The following BACE2 variants were observed in gnomAD, a reference collection of about 807,000 sequenced individuals.
The protein encoded by BACE2 is beta-secretase 2.
In BACE2, 17 loss-of-function variants were observed where a neutral mutation model predicts 46.2. That is an observed-to-expected ratio of 0.37 (90% CI 0.25 to 0.55). BACE2 has a LOEUF of 0.55. Among genes scored for constraint, BACE2 ranks in the 20% least tolerant of loss-of-function variants. The probability of loss-of-function intolerance (pLI) is 0.82; values close to 1 mark genes in which losing one functional copy is unlikely to be tolerated. For synonymous variants in BACE2, 277 were observed against 295.9 expected, an observed-to-expected ratio of 0.94 and a Z score of 0.66; for missense variants, 595 against 698.1, an observed-to-expected ratio of 0.85 and a Z score of 1.66.
chr21:41,213,601 C>CTT (rs1208833111), intron 1 of BACE2, among the ~76,000 whole-genome samples: 10 of 152,126 alleles, frequency 6.6e-5, no homozygotes, highest in African/African-American at 2.4e-4. Flanking sequence ...GGTGAAACCC[C>CTT]GTCTCTACTA....
chr21:41,211,245 A>T (rs1285071488), intron 1 of BACE2, among the ~76,000 whole-genome samples: 1 of 143,576 alleles, frequency 7.0e-6, no homozygotes, highest in Non-Finnish European at 1.5e-5. Flanking sequence ...CCAGGTATCC[A>T]TGTGTCTCTC....
In BACE2 at chr21:41,188,614, G is replaced by A. The variant is rs138716756; in HGVS notation, c.312+20039G>A. Among the ~76,000 whole-genome samples, 808 of 152,300 alleles carry A rather than the reference G, an allele frequency of 5.3e-3. 5 individuals are homozygous for A. The highest frequency in any genetic ancestry group is 0.051 in the Middle Eastern group (15 of 294). On this transcript the variant is annotated intron_variant, in intron 1 of 8. Transcript: ENST00000330333. ...TAGGGAAGGAATGTCTAGGGCAGTC[G>A]AAAAGGCAAGAATCCTATGTGAATC... is the stretch of plus-strand genomic sequence containing the variant.
intron 1 of BACE2, among the ~76,000 whole-genome samples, chr21:41,169,635 G>T (rs1019862490): frequency 2.6e-5 from 4 of 152,076 alleles, no homozygotes; most frequent in African/African-American, 9.7e-5. Context: ...ACATACTCAT[G>T]ACTTTTGTAT....
chr21:41,168,694 A>C, intron 1 of BACE2, 119 bp downstream of exon 1: 16 of 586,532 alleles, frequency 2.7e-5, no homozygotes, highest in East Asian at 4.7e-5. Flanking sequence ...CCCGCACAGA[A>C]GAGCGGGGAA....
intron 2 of BACE2, among the ~76,000 whole-genome samples, chr21:41,237,244 G>A (rs557782558): frequency 5.3e-5 from 8 of 152,176 alleles, no homozygotes; most frequent in East Asian, 3.9e-4. Flanking sequence ...TCAAGAGATC[G>A]AGACCATCCT....
In BACE2 at chr21:41,277,084, T is replaced by TC. The variant is rs34506942; in HGVS notation, c.*1460_*1461insC. The TC allele has an allele frequency of 0.69, 104,919 of 151,548 alleles. 37,165 individuals carry two copies. The highest frequency in any genetic ancestry group is 0.99 in the East Asian group (5,032 of 5,100). The allele number at this position is 151,548 out of a possible 1,614,324, so 9.4% of individuals were successfully genotyped here. A position where few individuals can be genotyped will look rare whatever the true frequency, so the allele number is the denominator to read the frequency against. ...CCAAGTTCAGTGTTCCCTTTGCATT[T>TC]TTTTGGGGTGGGTTGGCTATATTAC... is the stretch of plus-strand genomic sequence containing the variant. On this transcript the variant is annotated 3_prime_UTR_variant, in exon 9 of 9. Coordinates refer to ENST00000330333, the MANE Select transcript of BACE2 (RefSeq NM_012105.5).
chr21:41,279,054 A>T lies in BACE2; in HGVS notation c.*3430A>T, dbSNP rs957016284. The T allele has an allele frequency of 1.2e-4, 18 of 152,142 alleles. No individual in the cohort carries two copies. Among genetic ancestry groups the T allele is most frequent in the African/African-American group, 4.3e-4 (18 of 41,482 alleles). The allele number at this position is 152,142 out of a possible 1,614,324, so 9.4% of individuals were successfully genotyped here. On this transcript the variant is annotated 3_prime_UTR_variant, in exon 9 of 9. Coordinates refer to ENST00000330333, the MANE Select transcript of BACE2 (RefSeq NM_012105.5). The stretch of plus-strand genomic sequence containing the variant: ...TTTGTTTTTTTTGAAAAACGACGCA[A>T]CACCATAAAGTGTAAAATTAGGGGT...
intron 1 of BACE2, among the ~76,000 whole-genome samples, chr21:41,199,558 A>G (rs1985879512): frequency 6.6e-6 from 1 of 152,124 alleles, no homozygotes; most frequent in South Asian, 2.1e-4. Flanking sequence ...TTTTCCTGAG[A>G]CAGCTTCCTT....
chr21:41,268,962 C>CTT (rs112593590), intron 8 of BACE2, among the ~76,000 whole-genome samples: 33 of 151,080 alleles, frequency 2.2e-4, no homozygotes, highest in African/African-American at 7.0e-4. Flanking sequence ...CTTCTCTTTT[C>CTT]TTTTTTTTTG....
intron 7 of BACE2, among the ~76,000 whole-genome samples, chr21:41,256,101 A>G (rs1987780600): frequency 6.7e-6 from 1 of 150,336 alleles, no homozygotes; most frequent in Non-Finnish European, 1.5e-5. Context: ...TTTGTTTAAT[A>G]CATATATACT....
chr21:41,179,112 C>T (rs112950394), intron 1 of BACE2: 22,052 of 1,067,880 alleles, frequency 0.021, 907 homozygotes, highest in African/African-American at 0.2. Context: ...ACTGAGGGTG[C>T]CAGGGTGAGG....
chr21:41,230,109 C>G (rs557007139), intron 2 of BACE2: 1 of 152,184 alleles, frequency 6.6e-6, no homozygotes, highest in Admixed American at 6.5e-5. Flanking sequence ...CATCACGCAC[C>G]TTTTGGGTGT....
chr21:41,168,311 G>GCTC lies in BACE2; in HGVS notation c.51_53dup (p.Leu18dup). On this transcript the variant is annotated inframe_insertion, in exon 1 of 9. Transcript: ENST00000330333. ...TGCTGCTGCCTCTGCTGGCCCAGTG[G>GCTC]CTCCTGCGCGCCGCCCCGGAGCTGG... is the stretch of plus-strand genomic sequence containing the variant. 1 of 1,323,136 alleles carries GCTC rather than the reference G, an allele frequency of 7.6e-7. No homozygotes were observed. Among genetic ancestry groups the GCTC allele is most frequent in the Non-Finnish European group, 9.6e-7 (1 of 1,036,968 alleles). The allele number at this position is 1,323,136 out of a possible 1,614,324, so 82.0% of individuals were successfully genotyped here.
At chr21:41,262,839 A>G (rs564669515) in intron 8 of BACE2, among the ~76,000 whole-genome samples, 2 of 152,224 alleles carry the variant, frequency 1.3e-5, no homozygotes, top group South Asian at 4.1e-4. Context: ...TATATTATAT[A>G]TTAATCTTCT....
At chr21:41,218,376 A>G (rs1024513714) in intron 1 of BACE2, among the ~76,000 whole-genome samples, 2 of 152,208 alleles carry the variant, frequency 1.3e-5, no homozygotes, top group Non-Finnish European at 2.9e-5. Context: ...TCATTCTTCA[A>G]GTGTAAAGGC....
At chr21:41,220,363 C>A (rs566845921) in intron 1 of BACE2, among the ~76,000 whole-genome samples, 1 of 152,186 alleles carries the variant, frequency 6.6e-6, no homozygotes, top group South Asian at 2.1e-4. Context: ...AGCTCCTCCC[C>A]ACTCCCCAAG....
At chr21:41,235,462 G>A (rs1987089981) in intron 2 of BACE2, among the ~76,000 whole-genome samples, 1 of 152,202 alleles carries the variant, frequency 6.6e-6, no homozygotes, top group African/African-American at 2.4e-5. Flanking sequence ...TGTCTCCTTA[G>A]GGTCAGATTC....
intron 8 of BACE2, among the ~76,000 whole-genome samples, chr21:41,263,944 T>C (rs1317061928): frequency 6.6e-6 from 1 of 152,218 alleles, no homozygotes; most frequent in Non-Finnish European, 1.5e-5. Flanking sequence ...CTCATGCACA[T>C]TCTTTCTAGT....
chr21:41,215,070 C>G (rs36014366), intron 1 of BACE2, among the ~76,000 whole-genome samples: 1,723 of 152,156 alleles, frequency 0.011, 23 homozygotes, highest in Non-Finnish European at 0.016. Flanking sequence ...CAGAGATGAC[C>G]GTGGGCCTGG....
Sources: allele counts gnomAD v4.1 joint callset (sites outside exome capture counted in the v4.1 genomes callset), GRCh38; gene constraint gnomAD v4.1.1; transcripts MANE v1.5; gene names NCBI Gene and HGNC (gene_info 2026-07-23, HGNC 2026-07-21).